The following TFDP1 variants were observed in gnomAD, a reference collection of about 807,000 sequenced individuals.
The protein encoded by TFDP1 is transcription factor Dp-1, also known as DRTF1-polypeptide 1.
In TFDP1, 6 loss-of-function variants were observed where a neutral mutation model predicts 48.0. That is an observed-to-expected ratio of 0.13 (90% CI 0.07 to 0.25). The LOEUF (loss-of-function observed/expected upper bound fraction) is 0.25. Ranked by LOEUF, TFDP1 falls within the 10% of genes least tolerant of loss-of-function variation. TFDP1 has a pLI of 1.00. For missense variants in TFDP1, 335 were observed against 543.0 expected, an observed-to-expected ratio of 0.62 and a Z score of 3.81; for synonymous variants, 201 against 211.6, an observed-to-expected ratio of 0.95 and a Z score of 0.44.
At chr13:113,614,158 G>A (rs112620441) in intron 3 of TFDP1, among the ~76,000 whole-genome samples, 3 of 152,086 alleles carry the variant, frequency 2.0e-5, no homozygotes, top group African/African-American at 7.2e-5. Flanking sequence ...GTGCATGTGT[G>A]TGTGTTGTGT....
chr13:113,631,377 T>C (rs1444335045), intron 4 of TFDP1, among the ~76,000 whole-genome samples: 1 of 152,168 alleles, frequency 6.6e-6, no homozygotes, highest in Non-Finnish European at 1.5e-5. Flanking sequence ...TTCTTGTTGC[T>C]TTTGTCTAAT....
At chr13:113,590,818 G>A (rs1289241546) in intron 2 of TFDP1, among the ~76,000 whole-genome samples, 2 of 151,914 alleles carry the variant, frequency 1.3e-5, no homozygotes, top group Non-Finnish European at 2.9e-5. Context: ...AGACCATCCT[G>A]GCTAAGAGGG....
intron 3 of TFDP1, among the ~76,000 whole-genome samples, chr13:113,617,093 C>G (rs1368897624): frequency 1.3e-5 from 2 of 152,190 alleles, no homozygotes; most frequent in African/African-American, 4.8e-5. Context: ...TGAACTTGGA[C>G]TAGCACCCGT....
chr13:113,637,003 A>T (rs2049509642), intron 10 of TFDP1: 2 of 287,900 alleles, frequency 6.9e-6, no homozygotes, highest in South Asian at 1.6e-4. Context: ...AAGTAGGCCC[A>T]GAAGTAGAAG....
At chr13:113,593,624 T>G (rs1424650252) in intron 2 of TFDP1, among the ~76,000 whole-genome samples, 3 of 130,294 alleles carry the variant, frequency 2.3e-5, no homozygotes, top group South Asian at 2.6e-4. Flanking sequence ...GTGACAGTTG[T>G]GCTGTGTGCA....
intron 2 of TFDP1, among the ~76,000 whole-genome samples, chr13:113,589,897 C>G (rs1031911625): frequency 1.3e-5 from 2 of 152,228 alleles, no homozygotes; most frequent in Admixed American, 1.3e-4. Flanking sequence ...AGCTCTGCCT[C>G]TCCCCTCCCT....
At position 113,633,667 on chromosome 13, in the gene TFDP1, C is replaced by T. The variant is rs568111020; in HGVS notation, c.475-223C>T. 2.6e-5 allele frequency among the ~76,000 whole-genome samples: 4 copies of T among 152,262 alleles called. 1 individual carries two copies. The highest frequency in any genetic ancestry group is 1.9e-4 in the East Asian group (1 of 5,152). On this transcript the variant is annotated intron_variant, in intron 6 of 11. Transcript: ENST00000375370. The surrounding 1 kb of genome is among the most constrained non-coding windows in gnomAD (Gnocchi z 4.5). ...AAATGCCCACCTCACCAGCTGGGCT[C>T]GACACCCGAGAGCCCCCGGCTCTCC...
chr13:113,639,764 A>G (rs186306286), intron 11 of TFDP1, among the ~76,000 whole-genome samples: 2 of 152,200 alleles, frequency 1.3e-5, no homozygotes, highest in Admixed American at 6.5e-5. Flanking sequence ...GTTGCTGGTT[A>G]TGAGTGAAAG....
At chr13:113,635,028 TCTC>T (rs1014327232) in intron 8 of TFDP1, among the ~76,000 whole-genome samples, 4 of 152,042 alleles carry the variant, frequency 2.6e-5, no homozygotes, top group African/African-American at 7.2e-5. Flanking sequence ...ATTTGAAAAA[TCTC>T]CTCAGAGGTG....
At chr13:113,610,729 A>G (rs2048690524) in intron 2 of TFDP1, among the ~76,000 whole-genome samples, 1 of 152,088 alleles carries the variant, frequency 6.6e-6, no homozygotes, top group African/African-American at 2.4e-5. Flanking sequence ...TACAATCTTG[A>G]TTTTTCAAGA....
At chr13:113,631,889 C>A in intron 5 of TFDP1, 145 bp downstream of exon 5, 1 of 1,196,518 alleles carries the variant, frequency 8.4e-7, no homozygotes, top group Non-Finnish European at 1.2e-6. Context: ...ACTCACCCAT[C>A]ATCGTGGCCT....
At chr13:113,612,150 C>T (rs1280519094) in intron 3 of TFDP1, among the ~76,000 whole-genome samples, 1 of 152,228 alleles carries the variant, frequency 6.6e-6, no homozygotes. Context: ...GGCCTTGCCA[C>T]CCGTCCCTTT....
Position 113,607,560 on chromosome 13 carries a change from T to C in TFDP1, c.13-3436T>C, listed in dbSNP as rs1403081500. ...GTTCTCTCCTCATTGCTGCCGTCAC[T>C]GTGTGCTGCGCATGCCCTGCAGTTA... On this transcript the variant is annotated intron_variant, in intron 2 of 11. Coordinates refer to ENST00000375370, the MANE Select transcript of TFDP1 (RefSeq NM_007111.5). The surrounding 1 kb of genome is among the most constrained non-coding windows in gnomAD (Gnocchi z 5.2). Among the ~76,000 whole-genome samples, 1 of 152,214 alleles carries C rather than the reference T, an allele frequency of 6.6e-6. No homozygotes were observed. Among genetic ancestry groups the C allele is most frequent in the Non-Finnish European group, 1.5e-5 (1 of 68,024 alleles).
At chr13:113,593,784 C>A (rs1594408865) in intron 2 of TFDP1, among the ~76,000 whole-genome samples, 1 of 133,708 alleles carries the variant, frequency 7.5e-6, no homozygotes, top group African/African-American at 2.9e-5. Flanking sequence ...GACAGGTGTG[C>A]TGTGCACGCG....
chr13:113,634,412 T>A, intron 7 of TFDP1, 122 bp from the exon 8 acceptor site: 1 of 834,966 alleles, frequency 1.2e-6, no homozygotes, highest in Non-Finnish European at 2.0e-6. Flanking sequence ...TTTGTCCATA[T>A]CCCTTCGATT....
intron 3 of TFDP1, among the ~76,000 whole-genome samples, chr13:113,620,398 G>A (rs1442554761): frequency 6.6e-6 from 1 of 152,262 alleles, no homozygotes; most frequent in Non-Finnish European, 1.5e-5. Context: ...GAGAGTGACA[G>A]TGCCACTGGC....
intron 3 of TFDP1, among the ~76,000 whole-genome samples, chr13:113,621,393 G>A (rs2048991873): frequency 6.6e-6 from 1 of 152,234 alleles, no homozygotes; most frequent in African/African-American, 2.4e-5. Flanking sequence ...CCCAGGTGCC[G>A]AGGCAAGAGA....
At chr13:113,605,033 C>T (rs2048530038) in intron 2 of TFDP1, among the ~76,000 whole-genome samples, 1 of 152,136 alleles carries the variant, frequency 6.6e-6, no homozygotes, top group South Asian at 2.1e-4. Context: ...TGTGGAGCCT[C>T]AGCAGGGCGT....
chr13:113,624,664 G>GTGTCTCAGGGTA (rs2049082861), intron 4 of TFDP1, among the ~76,000 whole-genome samples: 1 of 143,156 alleles, frequency 7.0e-6, no homozygotes, highest in South Asian at 2.3e-4. Context: ...GTCCTCAGGT[G>GTGTCTCAGGGTA]TCTCTCAGGG....
Sources: gnomAD v4.1 joint callset for allele counts (sites outside exome capture counted in the v4.1 genomes callset) on GRCh38, gnomAD v4.1.1 for gene constraint, Gnocchi (gnomAD v3.1) non-coding constraint, MANE v1.5 for transcripts, NCBI Gene and HGNC (gene_info 2026-07-23, HGNC 2026-07-21) for gene names.